The following USH2A variants were observed in gnomAD, a reference collection of about 807,000 sequenced individuals.
USH2A encodes the protein usherin.
Under a neutral mutation model 538.9 loss-of-function variants are expected in USH2A, and 443 were observed. The ratio of observed to expected loss-of-function variants is 0.82; its 90% CI spans 0.76 to 0.89. The LOEUF is 0.89. USH2A is among the 40% of genes least tolerant of loss of function. The probability of loss-of-function intolerance (pLI) is 0.00; values close to 1 mark genes in which losing one functional copy is unlikely to be tolerated. For synonymous variants in USH2A, 2,413 were observed against 2,273.5 expected, an observed-to-expected ratio of 1.06 and a Z score of -1.75; for missense variants, 6,633 against 6,324.8, an observed-to-expected ratio of 1.05 and a Z score of -1.65.
intron 15 of USH2A, among the ~76,000 whole-genome samples, chr1:216,214,919 A>G (rs1194710888): frequency 6.6e-6 from 1 of 152,054 alleles, no homozygotes; most frequent in East Asian, 1.9e-4. Context: ...CTAGAATATC[A>G]TTCGCTAGGA....
chr1:216,342,410 A>T (rs2038093063), intron 4 of USH2A, among the ~76,000 whole-genome samples: 1 of 152,156 alleles, frequency 6.6e-6, no homozygotes, highest in South Asian at 2.1e-4. Flanking sequence ...TAGTTGAACC[A>T]TTATGGAAAA....
intron 60 of USH2A, among the ~76,000 whole-genome samples, chr1:215,734,786 C>T (rs1380590640): frequency 3.3e-5 from 5 of 152,148 alleles, no homozygotes; most frequent in Non-Finnish European, 7.4e-5. Context: ...ACAAGGGTGA[C>T]CTTTACTCTA....
intron 61 of USH2A, among the ~76,000 whole-genome samples, chr1:215,712,099 G>A (rs1659353252): frequency 6.6e-6 from 1 of 152,126 alleles, no homozygotes; most frequent in Non-Finnish European, 1.5e-5. Flanking sequence ...CAAAGAGATG[G>A]ACTCTCTTGA....
chr1:216,299,050 G>A (rs2037162628), intron 9 of USH2A, among the ~76,000 whole-genome samples: 1 of 151,998 alleles, frequency 6.6e-6, no homozygotes, highest in African/African-American at 2.4e-5. Flanking sequence ...CACCATGTTA[G>A]CCAGGATGGT....
rs1571772446 is a variant in USH2A, at chr1:215,877,639, A to G, written c.8681+119T>C. On this transcript the variant is annotated intron_variant, in intron 43 of 71. Coordinates refer to ENST00000307340, the MANE Select transcript of USH2A (RefSeq NM_206933.4). Reference sequence around the variant, plus strand: ...TTAATGCCACAGATAATAACCAAACATGTTTTATTGCATAACTGATAACAC... The same window carrying G: ...TTAATGCCACAGATAATAACCAAACGTGTTTTATTGCATAACTGATAACAC... 17 of 1,478,986 alleles carry G rather than the reference A, an allele frequency of 1.1e-5. No individual in the cohort carries two copies. The East Asian group carries it at 3.9e-4, about 34-fold the overall frequency. The allele number at this position is 1,478,986 out of a possible 1,614,324, so 91.6% of individuals were successfully genotyped here.
intron 32 of USH2A, among the ~76,000 whole-genome samples, chr1:216,001,189 C>T (rs916980874): frequency 1.3e-5 from 2 of 152,134 alleles, no homozygotes; most frequent in Non-Finnish European, 2.9e-5. Flanking sequence ...AACACTGTGT[C>T]ATGACTATAT....
In USH2A at chr1:215,845,969, G is replaced by C; in HGVS notation, c.8910C>G (p.Asn2970Lys). ...YTLFWSSATS[N>K]DSLKILPDVN... ...CATCTGGCAAGATTTTTAGAGAGTC[G>C]TTTGAGGTAGCAGAACTCCAAAAAA... Residue 2970 changes from asparagine to lysine, a missense_variant, in exon 45 of 72, where the codon AAC becomes AAG. Transcript: ENST00000307340. 1.2e-6 allele frequency: 2 copies of C among 1,613,838 alleles called. No homozygotes were observed. Among genetic ancestry groups the C allele is most frequent in the Non-Finnish European group, 1.7e-6 (2 of 1,179,926 alleles).
intron 35 of USH2A, among the ~76,000 whole-genome samples, chr1:215,977,414 T>C (rs2102463818): frequency 6.6e-6 from 1 of 152,318 alleles, no homozygotes; most frequent in Admixed American, 6.5e-5. Context: ...TTTTGATTTA[T>C]GAGTAGCTCT....
At chr1:216,140,521 A>C (rs1261133980) in intron 21 of USH2A, among the ~76,000 whole-genome samples, 1 of 152,170 alleles carries the variant, frequency 6.6e-6, no homozygotes, top group African/African-American at 2.4e-5. Context: ...AGCCATAATA[A>C]AGCCAAGTAA....
chr1:215,949,805 A>G (rs1018981781), intron 37 of USH2A, among the ~76,000 whole-genome samples: 1 of 152,148 alleles, frequency 6.6e-6, no homozygotes, highest in Admixed American at 6.5e-5. Flanking sequence ...AAAATATTTA[A>G]AATTGTAATG....
chr1:216,125,785 AAT>A (rs1165371508), intron 21 of USH2A, among the ~76,000 whole-genome samples: 1 of 152,194 alleles, frequency 6.6e-6, no homozygotes, highest in East Asian at 1.9e-4. Context: ...GATGTAAATA[AAT>A]CACTACACAT....
intron 38 of USH2A, among the ~76,000 whole-genome samples, chr1:215,926,703 C>T (rs1185776482): frequency 2.2e-5 from 3 of 136,162 alleles, no homozygotes; most frequent in African/African-American, 5.5e-5. Flanking sequence ...CTGTAACCTC[C>T]GCCTTTCGGG....
At position 215,965,622 on chromosome 1, in the gene USH2A, C is replaced by T. The variant is rs564651928; in HGVS notation, c.6958-143G>A. The T allele has an allele frequency of 1.0e-4, 96 of 952,264 alleles. No individual in the cohort carries two copies. The African/African-American group carries it at 1.5e-3, about 15-fold the overall frequency. The allele number at this position is 952,264 out of a possible 1,614,324, so 59.0% of individuals were successfully genotyped here. Reference sequence around the variant, plus strand: ...ATCTTGTATGAATACCTCATTTTGTCAGCAGGATCAAAGCACACCTCATGT... The same window carrying T: ...ATCTTGTATGAATACCTCATTTTGTTAGCAGGATCAAAGCACACCTCATGT... On this transcript the variant is annotated intron_variant, in intron 36 of 71. Transcript: ENST00000307340.
chr1:215,634,747 G>A (rs367646047), intron 69 of USH2A, 44 bp from the exon 70 acceptor site: 1 of 1,614,054 alleles, frequency 6.2e-7, no homozygotes, highest in African/African-American at 1.3e-5. Flanking sequence ...ATTTCAGAAA[G>A]CATTTTTGTC....
intron 49 of USH2A, among the ~76,000 whole-genome samples, chr1:215,805,731 GAAGAT>G (rs1385195138): frequency 6.6e-6 from 1 of 151,776 alleles, no homozygotes; most frequent in Non-Finnish European, 1.5e-5. Flanking sequence ...CCATAAAACA[GAAGAT>G]AAGACAGTAG....
intron 37 of USH2A, among the ~76,000 whole-genome samples, chr1:215,949,106 T>C (rs1341807321): frequency 6.6e-6 from 1 of 152,106 alleles, no homozygotes; most frequent in African/African-American, 2.4e-5. Flanking sequence ...GATTTATAAA[T>C]ATTTTTAAAG....
At chr1:215,702,573 A>G (rs546647078) in intron 61 of USH2A, among the ~76,000 whole-genome samples, 22 of 151,444 alleles carry the variant, frequency 1.5e-4, no homozygotes, top group South Asian at 4.2e-4. Flanking sequence ...TTGATCTTCA[A>G]TCTCTGATAT....
intron 40 of USH2A, among the ~76,000 whole-genome samples, chr1:215,889,433 T>C (rs996430254): frequency 1.3e-5 from 2 of 152,190 alleles, no homozygotes; most frequent in Non-Finnish European, 2.9e-5. Flanking sequence ...AGAGCCCCAG[T>C]AACTAATTAT....
chr1:216,146,562 C>T (rs1217961488), intron 21 of USH2A, among the ~76,000 whole-genome samples: 5 of 152,168 alleles, frequency 3.3e-5, no homozygotes, highest in African/African-American at 4.8e-5. Flanking sequence ...CTCCTTCACC[C>T]TTAGCGGCAA....
Sources: gnomAD v4.1 joint callset for allele counts (sites outside exome capture counted in the v4.1 genomes callset) on GRCh38, gnomAD v4.1.1 for gene constraint, MANE v1.5 for transcripts, NCBI Gene and HGNC (gene_info 2026-07-23, HGNC 2026-07-21) for gene names.